Variants in ADGRV1 observed in about 807,000 individuals in gnomAD.
The protein encoded by ADGRV1 is G-protein coupled receptor 98.
In ADGRV1, 359 loss-of-function variants were observed where a neutral mutation model predicts 596.2. The observed-to-expected ratio is 0.60, with a 90% CI of 0.55 to 0.66. The LOEUF (loss-of-function observed/expected upper bound fraction) is 0.66. Among genes scored for constraint, ADGRV1 ranks in the 30% least tolerant of loss-of-function variants. ADGRV1 has a pLI of 0.00. For missense variants in ADGRV1, 7,274 were observed against 7,575.6 expected, an observed-to-expected ratio of 0.96 and a Z score of 1.48; for synonymous variants, 2,681 against 2,679.2, an observed-to-expected ratio of 1.00 and a Z score of -0.02.
Position 90,994,763 on chromosome 5 carries a change from G to A in ADGRV1, c.18152+9241G>A, listed in dbSNP as rs146590305. ...TTTCTGAATTTACAGATTTAATTTC[G>A]TATATCTATATTCTTTGTCACACGT... On this transcript the variant is annotated intron_variant, in intron 85 of 89. Transcript: ENST00000405460. Among the ~76,000 whole-genome samples the A allele has an allele frequency of 4.6e-3, 705 of 152,172 alleles. 9 individuals are homozygous for A. Among genetic ancestry groups the A allele is most frequent in the African/African-American group, 0.016 (665 of 41,518 alleles).
chr5:90,711,065 GC>G lies in ADGRV1; in HGVS notation c.8903+8del. 6.2e-7 allele frequency: 1 copy of G among 1,604,996 alleles called. No homozygotes were observed. Among genetic ancestry groups the G allele is most frequent in the Non-Finnish European group, 8.5e-7 (1 of 1,174,244 alleles). On this transcript the variant is annotated splice_region_variant and intron_variant, in intron 40 of 89. Transcript: ENST00000405460. ...ATTGAATGGCAACAAAGCAGGTAAG[GC>G]CAAGGCTGCATGAGAGCCCTCTTCT...
At chr5:90,808,757 G>T (rs1235480129) in intron 73 of ADGRV1, among the ~76,000 whole-genome samples, 1 of 152,020 alleles carries the variant, frequency 6.6e-6, no homozygotes, top group Non-Finnish European at 1.5e-5. Context: ...TCAGCCAAGT[G>T]TGATGGTGCG....
At chr5:90,948,279 A>C (rs1423980227) in intron 83 of ADGRV1, among the ~76,000 whole-genome samples, 1 of 152,076 alleles carries the variant, frequency 6.6e-6, no homozygotes, top group Non-Finnish European at 1.5e-5. Flanking sequence ...GCAAGTATAA[A>C]GAAAGAGGAC....
intron 88 of ADGRV1, among the ~76,000 whole-genome samples, chr5:91,151,273 A>G (rs1042123144): frequency 6.6e-6 from 1 of 152,208 alleles, no homozygotes; most frequent in Non-Finnish European, 1.5e-5. Context: ...AATATTCACA[A>G]TTCAAGTACT....
intron 1 of ADGRV1, among the ~76,000 whole-genome samples, chr5:90,562,434 G>A (rs1051835098): frequency 3.3e-5 from 5 of 152,168 alleles, no homozygotes; most frequent in African/African-American, 1.2e-4. Flanking sequence ...TGCCCTGAGT[G>A]AGGTGTGGCA....
At chr5:90,931,841 A>G (rs1441740576) in intron 83 of ADGRV1, among the ~76,000 whole-genome samples, 1 of 152,198 alleles carries the variant, frequency 6.6e-6, no homozygotes, top group African/African-American at 2.4e-5. Context: ...GCTTAGAGAA[A>G]AATTGATGTT....
At chr5:90,724,782 A>T (rs1751542580) in intron 45 of ADGRV1, 50 bp from the exon 46 acceptor site, 5 of 1,502,176 alleles carry the variant, frequency 3.3e-6, no homozygotes, top group Non-Finnish European at 4.6e-6. Flanking sequence ...TAGAATAGAT[A>T]AGTTTTTGAA....
At chr5:90,787,358 G>T (rs776089514) in intron 67 of ADGRV1, among the ~76,000 whole-genome samples, 2 of 152,158 alleles carry the variant, frequency 1.3e-5, no homozygotes, top group East Asian at 3.8e-4. Flanking sequence ...ATGGTCTACA[G>T]CAGAGTTTTT....
intron 1 of ADGRV1, among the ~76,000 whole-genome samples, chr5:90,607,064 G>C (rs1374166465): frequency 6.6e-6 from 1 of 152,090 alleles, no homozygotes; most frequent in South Asian, 2.1e-4. Flanking sequence ...CTTTAATATA[G>C]CACTTTACAG....
rs192982770 is a variant in ADGRV1 at position 90,882,369 on chromosome 5, T to C, written c.17856+18512T>C. ...ATATTGAATATCGTCTTAAGACCCA[T>C]GTCTTTTACCTTTTTAATTCCTATT... On this transcript the variant is annotated intron_variant, in intron 83 of 89. Transcript: ENST00000405460. Among the ~76,000 whole-genome samples, 21 of 152,334 alleles carry C rather than the reference T, an allele frequency of 1.4e-4. No homozygotes were observed. In the East Asian group the frequency reaches 2.3e-3, roughly 17 times the overall value.
Position 90,848,809 on chromosome 5 carries a change from C to G in ADGRV1, c.17192C>G (p.Ser5731Cys), listed in dbSNP as rs727503086. Residue 5731 changes from serine (S) to cysteine (C), a missense_variant, in exon 79 of 90, where the codon TCT (serine) becomes TGT (cysteine). Transcript: ENST00000405460. The part of the protein sequence containing the change: ...FSLLTNVTCG[S>C]PGEKSKTILD... ...CTGCTGACTAATGTTACTTGCGGCT[C>G]TCCTGGTGAAAAGTAAGTATCTTTT... 5 of 1,580,568 alleles carry G rather than the reference C, an allele frequency of 3.2e-6. No individual in the cohort carries two copies. The highest frequency in any genetic ancestry group is 2.7e-5 in the African/African-American group (2 of 72,868).
At position 90,652,562 on chromosome 5, in the gene ADGRV1, A is replaced by G; in HGVS notation, c.3633A>G (p.Ser1211=). 6.3e-7 allele frequency: 1 copy of G among 1,577,386 alleles called. No homozygotes were observed. Among genetic ancestry groups the G allele is most frequent in the Non-Finnish European group, 8.7e-7 (1 of 1,151,538 alleles). Residue 1211 remains serine (S), a splice_region_variant and synonymous_variant, in exon 19 of 90, where the codon TCA becomes TCG. Coordinates refer to ENST00000405460, the MANE Select transcript of ADGRV1 (RefSeq NM_032119.4). ...EFYFLKLVNI[S]GGSPGPGGQL... ...ATTTCCTAAAACTTGTAAACATTTCAGGTACTGTGTTTTTCCATGTCTTAT... is the reference window on the plus strand; with the variant it reads ...ATTTCCTAAAACTTGTAAACATTTCGGGTACTGTGTTTTTCCATGTCTTAT...
intron 36 of ADGRV1, 102 bp from the exon 37 acceptor site, chr5:90,705,297 AG>A: frequency 1.1e-6 from 1 of 918,096 alleles, no homozygotes; most frequent in South Asian, 1.8e-5. Flanking sequence ...AGAAGTAAAT[AG>A]AACACTTTTG....
At chr5:91,109,630 T>G (rs1353071243) in intron 87 of ADGRV1, among the ~76,000 whole-genome samples, 1 of 152,188 alleles carries the variant, frequency 6.6e-6, no homozygotes, top group Non-Finnish European at 1.5e-5. Context: ...CTGCCAGCTT[T>G]CCAGCCCCAG....
chr5:90,976,214 G>GTATATA (rs199752660), intron 84 of ADGRV1, among the ~76,000 whole-genome samples: 8,601 of 140,760 alleles, frequency 0.061, 424 homozygotes, highest in East Asian at 0.27. Context: ...GTGTGTGAGT[G>GTATATA]TGTATATATA....
At chr5:91,022,938 A>T (rs1240343881) in intron 85 of ADGRV1, among the ~76,000 whole-genome samples, 1 of 152,160 alleles carries the variant, frequency 6.6e-6, no homozygotes, top group Non-Finnish European at 1.5e-5. Flanking sequence ...AGCTAAAAAT[A>T]AGTAAATTTA....
chr5:90,646,399 G>A (rs779714105), intron 16 of ADGRV1, among the ~76,000 whole-genome samples: 8 of 146,388 alleles, frequency 5.5e-5, no homozygotes, highest in East Asian at 2.3e-4. Flanking sequence ...CAGATTTCTC[G>A]GTATTTTTTT....
intron 82 of ADGRV1, among the ~76,000 whole-genome samples, chr5:90,856,549 A>G (rs1258188818): frequency 6.6e-6 from 1 of 152,142 alleles, no homozygotes; most frequent in Non-Finnish European, 1.5e-5. Flanking sequence ...GAATTCCTTA[A>G]ACTATAATTC....
intron 83 of ADGRV1, among the ~76,000 whole-genome samples, chr5:90,926,611 G>A (rs948643356): frequency 4.6e-5 from 7 of 151,702 alleles, no homozygotes; most frequent in South Asian, 2.1e-4. Context: ...TTTTTTGAAG[G>A]GTTTTTTGTG....
Sources: gnomAD v4.1 joint callset for allele counts (sites outside exome capture counted in the v4.1 genomes callset) on GRCh38, gnomAD v4.1.1 for gene constraint, MANE v1.5 for transcripts, NCBI Gene and HGNC (gene_info 2026-07-23, HGNC 2026-07-21) for gene names.